Variants in OTC observed in about 807,000 individuals in gnomAD.
The protein encoded by OTC is ornithine transcarbamylase, mitochondrial.
A neutral mutation model predicts 30.3 loss-of-function variants in OTC; 3 were observed. The ratio of observed to expected loss-of-function variants is 0.10; its 90% CI spans 0.05 to 0.26. OTC has a LOEUF of 0.26. Among genes scored for constraint, OTC ranks in the 10% least tolerant of loss-of-function variants. OTC has a pLI of 1.00. For missense variants in OTC, 194 were observed against 260.3 expected (o/e 0.75, Z 1.75); for synonymous variants, 111 against 99.7 (o/e 1.11, Z -0.67).
intron 3 of OTC, among the ~76,000 whole-genome samples, chrX:38,371,278 A>AT (rs976920029): frequency 2.7e-5 from 3 of 110,766 alleles, no homozygotes; most frequent in Non-Finnish European, 5.7e-5. Context: ...TGTTAAGGAT[A>AT]TTTTTTTTCC....
chrX:38,335,726 C>G, the OTC span, among the ~76,000 whole-genome samples: 1 of 112,595 alleles, frequency 8.9e-6, no homozygotes, highest in Non-Finnish European at 1.9e-5. Context: ...AACAGAAGCT[C>G]CCTTTTACAT....
intron 4 of OTC, among the ~76,000 whole-genome samples, chrX:38,382,089 A>C (rs1469408143): frequency 8.9e-6 from 1 of 112,222 alleles, no homozygotes; most frequent in African/African-American, 3.2e-5. Context: ...GTTAACATCC[A>C]GCCAGGACCA....
chrX:38,384,722 T>C (rs1282062656), intron 4 of OTC, among the ~76,000 whole-genome samples: 1 of 111,048 alleles, frequency 9.0e-6, no homozygotes, highest in Admixed American at 9.7e-5. Flanking sequence ...TCCAGCTGCT[T>C]TGGGGGCCTG....
intron 1 of OTC, among the ~76,000 whole-genome samples, chrX:38,363,225 A>C (rs986782911): frequency 1.8e-5 from 2 of 112,053 alleles, no homozygotes; most frequent in South Asian, 3.7e-4. Context: ...GATGTTTCTC[A>C]AATTCCTTGA....
chrX:38,404,887 T>C (rs948767783), intron 6 of OTC, among the ~76,000 whole-genome samples: 12 of 111,695 alleles, frequency 1.1e-4, no homozygotes, highest in African/African-American at 3.9e-4. Flanking sequence ...CCTAGTCCCA[T>C]GTCGTGCACA....
intron 3 of OTC, among the ~76,000 whole-genome samples, chrX:38,374,440 A>T (rs907089582): frequency 4.5e-5 from 5 of 110,362 alleles, no homozygotes; most frequent in African/African-American, 1.6e-4. Flanking sequence ...TTGGGCTGGG[A>T]TCTGAGGCTT....
At chrX:38,413,266 G>C (rs1391480356) in intron 9 of OTC, among the ~76,000 whole-genome samples, 1 of 112,124 alleles carries the variant, frequency 8.9e-6, no homozygotes, top group African/African-American at 3.2e-5. Context: ...AAAGCTTTTA[G>C]TATAGTACAT....
At chrX:38,340,327 G>T in the OTC span, among the ~76,000 whole-genome samples, 4 of 111,453 alleles carry the variant, frequency 3.6e-5, no homozygotes, top group South Asian at 1.5e-3. Flanking sequence ...GTTACATCTG[G>T]CAGGTTTAAA....
chrX:38,422,606 T>C (rs1317320342), downstream of OTC, among the ~76,000 whole-genome samples: 1 of 112,254 alleles, frequency 8.9e-6, no homozygotes, highest in Non-Finnish European at 1.9e-5. Flanking sequence ...GTAATAATTT[T>C]CTTGCCAAAA....
At chrX:38,416,049 C>T (rs139809224) in intron 9 of OTC, among the ~76,000 whole-genome samples, 1 of 111,597 alleles carries the variant, frequency 9.0e-6, no homozygotes. Flanking sequence ...ATAATTTCCA[C>T]GCATGCAACT....
intron 3 of OTC, among the ~76,000 whole-genome samples, chrX:38,379,534 A>G (rs1328386983): frequency 3.6e-5 from 4 of 112,290 alleles, no homozygotes; most frequent in Non-Finnish European, 5.6e-5. Context: ...GGCATATTTA[A>G]GAGAACACTT....
chrX:38,408,780 G>A lies in OTC; in HGVS notation c.702G>A (p.Glu234=). ...EPDASVTKLA[E]QYAKENGTKL... is the part of the protein sequence containing the mutation. ...ATGCTAGTGTAACCAAGTTGGCAGAGCAGTATGCCAAAGAGGTATGCTCTT... is the reference window on the plus strand; with the variant it reads ...ATGCTAGTGTAACCAAGTTGGCAGAACAGTATGCCAAAGAGGTATGCTCTT... Residue 234 remains glutamate, a synonymous_variant, in exon 7 of 10, where the codon GAG becomes GAA. Coordinates refer to ENST00000039007, the MANE Select transcript of OTC (RefSeq NM_000531.6). The A allele has an allele frequency of 1.7e-6, 2 of 1,204,772 alleles. No homozygotes were observed. The highest frequency in any genetic ancestry group is 2.2e-6 in the Non-Finnish European group (2 of 889,024).
intron 3 of OTC, among the ~76,000 whole-genome samples, chrX:38,375,460 G>A (rs1469492866): frequency 2.7e-5 from 3 of 111,927 alleles, no homozygotes; most frequent in African/African-American, 9.7e-5. Flanking sequence ...CCTGTCAATA[G>A]ATAGCTATCA....
chrX:38,328,486 A>G, the OTC span, among the ~76,000 whole-genome samples: 4 of 112,328 alleles, frequency 3.6e-5, no homozygotes, highest in African/African-American at 1.3e-4. Flanking sequence ...AAAGAACATT[A>G]AATCTAAGAA....
In OTC at chrX:38,380,984, C is replaced by T. The variant is rs1277894861; in HGVS notation, c.299-358C>T. Among the ~76,000 whole-genome samples the T allele has an allele frequency of 9.8e-5, 11 of 112,374 alleles. No individual in the cohort carries two copies. The East Asian group carries it at 3.1e-3, about 31-fold the overall frequency. ...CCTCAGGAGATCCACCTGCCTCAGC[C>T]TCCCAAAGTGCTGGGATTATAGGTA... On this transcript the variant is annotated intron_variant, in intron 3 of 9. Coordinates refer to ENST00000039007, the MANE Select transcript of OTC (RefSeq NM_000531.6).
chrX:38,375,945 T>A (rs1486763263), intron 3 of OTC, among the ~76,000 whole-genome samples: 2 of 111,521 alleles, frequency 1.8e-5, no homozygotes, highest in Admixed American at 9.5e-5. Flanking sequence ...CAATGGTGAC[T>A]GAGAAGGAGC....
chrX:38,377,942 T>C (rs971961101), intron 3 of OTC, among the ~76,000 whole-genome samples: 2 of 109,850 alleles, frequency 1.8e-5, no homozygotes, highest in Non-Finnish European at 3.8e-5. Flanking sequence ...GTTCAAGTGA[T>C]CCTCCTGCCT....
intron 5 of OTC, 87 bp downstream of exon 5, chrX:38,401,515 A>G (rs1261578982): frequency 2.7e-6 from 2 of 750,221 alleles, no homozygotes; most frequent in Admixed American, 2.3e-5. Flanking sequence ...AAATCATGGT[A>G]TTGGTGTTTT....
upstream of OTC, among the ~76,000 whole-genome samples, chrX:38,352,118 G>A (rs1254981857): frequency 8.9e-6 from 1 of 112,551 alleles, no homozygotes; most frequent in Non-Finnish European, 1.9e-5. Flanking sequence ...CTCCAGGACT[G>A]AGATATTTTT....
Sources: allele counts gnomAD v4.1 joint callset (sites outside exome capture counted in the v4.1 genomes callset), GRCh38; gene constraint gnomAD v4.1.1; transcripts MANE v1.5; gene names NCBI Gene and HGNC (gene_info 2026-07-23, HGNC 2026-07-21).